The following NPAS3 variants were observed in gnomAD, a reference collection of about 807,000 sequenced individuals.
The protein encoded by NPAS3 is neuronal PAS domain-containing protein 3.
Under a neutral mutation model 73.1 loss-of-function variants are expected in NPAS3, and 14 were observed. That is an observed-to-expected ratio of 0.19 (90% CI 0.13 to 0.30). The LOEUF (loss-of-function observed/expected upper bound fraction) is 0.30, where lower values mean the gene tolerates loss of function less well. NPAS3 is among the 10% of genes least tolerant of loss of function. The pLI is 1.00. For missense variants in NPAS3, 1,096 were observed against 1,250.0 expected, an observed-to-expected ratio of 0.88 and a Z score of 1.86; for synonymous variants, 620 against 541.5, an observed-to-expected ratio of 1.14 and a Z score of -2.01.
intron 1 of NPAS3, among the ~76,000 whole-genome samples, chr14:32,994,626 G>GTTTTT (rs1382696309): frequency 1.3e-4 from 16 of 121,494 alleles, no homozygotes; most frequent in South Asian, 5.2e-4. Context: ...TTGTTTGTTT[G>GTTTTT]TTTGTTTTTG....
intron 1 of NPAS3, among the ~76,000 whole-genome samples, chr14:33,051,586 A>G (rs77685889): frequency 0.025 from 3,833 of 152,316 alleles, 49 homozygotes; most frequent in Non-Finnish European, 0.03. Context: ...AACACAGGAA[A>G]CATGAAAATA....
intron 9 of NPAS3, among the ~76,000 whole-genome samples, chr14:33,786,617 A>G (rs1344756089): frequency 1.3e-5 from 2 of 152,254 alleles, no homozygotes; most frequent in Non-Finnish European, 2.9e-5. Context: ...GCGCTTTCAT[A>G]GACCTACATA....
chr14:33,169,300 G>A (rs979198522), intron 2 of NPAS3, among the ~76,000 whole-genome samples: 12 of 152,200 alleles, frequency 7.9e-5, no homozygotes, highest in African/African-American at 1.7e-4. Flanking sequence ...GGGCACGATG[G>A]CTCATGCCTG....
chr14:33,285,781 G>C (rs10142091), intron 3 of NPAS3, among the ~76,000 whole-genome samples: 76,103 of 151,992 alleles, frequency 0.5, 19,968 homozygotes, highest in African/African-American at 0.66. Flanking sequence ...TTCCCCTACC[G>C]TTGCTCCCTT....
At chr14:33,633,477 T>C (rs1040767785) in intron 5 of NPAS3, among the ~76,000 whole-genome samples, 5 of 152,138 alleles carry the variant, frequency 3.3e-5, no homozygotes, top group Admixed American at 2.0e-4. Context: ...TCATAGAGTG[T>C]AGTTACACAA....
intron 9 of NPAS3, among the ~76,000 whole-genome samples, chr14:33,784,745 A>ATTTATTTATTTAT (rs1471526546): frequency 9.5e-5 from 7 of 73,862 alleles, no homozygotes; most frequent in East Asian, 4.6e-4. Flanking sequence ...TTATTTATTT[A>ATTTATTTATTTAT]TTTTTTTTTT....
At chr14:33,098,201 A>G (rs1332379704) in intron 2 of NPAS3, among the ~76,000 whole-genome samples, 2 of 152,172 alleles carry the variant, frequency 1.3e-5, no homozygotes, top group Non-Finnish European at 2.9e-5. Context: ...ATCCAGCTCC[A>G]GTTGCTGAGT....
intron 2 of NPAS3, among the ~76,000 whole-genome samples, chr14:33,128,708 A>G (rs987549486): frequency 6.6e-6 from 1 of 152,184 alleles, no homozygotes. Flanking sequence ...TACTCAATAC[A>G]TATTTGAAAT....
At chr14:33,792,634 A>G (rs896176086) in intron 9 of NPAS3, among the ~76,000 whole-genome samples, 1 of 152,164 alleles carries the variant, frequency 6.6e-6, no homozygotes, top group Non-Finnish European at 1.5e-5. Flanking sequence ...GTTGTATATG[A>G]AGCACTTATT....
chr14:33,051,631 G>A (rs2040714308), intron 1 of NPAS3, among the ~76,000 whole-genome samples: 1 of 152,124 alleles, frequency 6.6e-6, no homozygotes, highest in Non-Finnish European at 1.5e-5. Context: ...CTTGACCCTG[G>A]CTATCAGAAA....
At chr14:33,136,853 TC>T (rs1329675486) in intron 2 of NPAS3, among the ~76,000 whole-genome samples, 2 of 152,366 alleles carry the variant, frequency 1.3e-5, no homozygotes, top group South Asian at 2.1e-4. Flanking sequence ...TACCGCTTTT[TC>T]CTGATCTATG....
At chr14:33,555,511 C>T (rs976654084) in intron 4 of NPAS3, among the ~76,000 whole-genome samples, 4 of 152,082 alleles carry the variant, frequency 2.6e-5, no homozygotes, top group African/African-American at 9.7e-5. Context: ...TTTCTTGATT[C>T]AAAATTTAAA....
At chr14:33,738,679 A>G (rs1289332380) in intron 7 of NPAS3, among the ~76,000 whole-genome samples, 3 of 152,158 alleles carry the variant, frequency 2.0e-5, no homozygotes, top group Non-Finnish European at 4.4e-5. Context: ...ATGAGCTGAC[A>G]TTCAGTTGTT....
chr14:33,027,193 AG>A (rs1312826415), intron 1 of NPAS3, among the ~76,000 whole-genome samples: 1 of 152,200 alleles, frequency 6.6e-6, no homozygotes, highest in Non-Finnish European at 1.5e-5. Context: ...GTTAGGCACA[AG>A]GGCCCTATTT....
At chr14:33,552,732 A>G (rs994378466) in intron 4 of NPAS3, among the ~76,000 whole-genome samples, 3 of 152,054 alleles carry the variant, frequency 2.0e-5, no homozygotes, top group African/African-American at 4.8e-5. Flanking sequence ...TGAACAGCAT[A>G]TATTTCTAGC....
At chr14:33,278,752 G>A (rs993571325) in intron 3 of NPAS3, among the ~76,000 whole-genome samples, 1 of 152,110 alleles carries the variant, frequency 6.6e-6, no homozygotes, top group African/African-American at 2.4e-5. Context: ...TTAAATTAAA[G>A]CATTCTAAGT....
At chr14:33,177,629 T>C (rs2045640968) in intron 2 of NPAS3, among the ~76,000 whole-genome samples, 1 of 152,180 alleles carries the variant, frequency 6.6e-6, no homozygotes, top group South Asian at 2.1e-4. Context: ...TGTTTTTCTT[T>C]TAAGAATTTT....
chr14:33,781,625 C>T (rs1320350449), intron 9 of NPAS3, among the ~76,000 whole-genome samples: 4 of 152,272 alleles, frequency 2.6e-5, no homozygotes, highest in South Asian at 2.1e-4. Flanking sequence ...AAAAAATAAA[C>T]CACATTAACT....
In NPAS3 at chr14:33,800,683, G is replaced by C. The variant is rs914996734; in HGVS notation, c.2376G>C (p.Ala792=). 5.8e-6 allele frequency: 9 copies of C among 1,545,030 alleles called. No homozygotes were observed. Among genetic ancestry groups the C allele is most frequent in the Non-Finnish European group, 7.8e-6 (9 of 1,147,642 alleles). The change falls in exon 12 of 12, where the codon GCG becomes GCC. Residue 792 remains alanine (A), a synonymous_variant. Transcript: ENST00000356141. The surrounding 1 kb of genome is among the most constrained non-coding windows in gnomAD (Gnocchi z 6.5). ...TGCTGTACACTGGGGACCTGGAGGC[G>C]CTGCAGAGGTTGCAGGCGGGCAACG... is the stretch of plus-strand genomic sequence containing the variant.
Sources: gnomAD v4.1 joint callset for allele counts (sites outside exome capture counted in the v4.1 genomes callset) on GRCh38, gnomAD v4.1.1 for gene constraint, Gnocchi (gnomAD v3.1) non-coding constraint, MANE v1.5 for transcripts, NCBI Gene and HGNC (gene_info 2026-07-23, HGNC 2026-07-21) for gene names.